DENND2C: variants seen among roughly 807,000 people sequenced by gnomAD.
DENND2C encodes DENN domain containing 2C, also known as DENN domain-containing protein 2C.
Under a neutral mutation model 112.4 loss-of-function variants are expected in DENND2C, and 72 were observed. The ratio of observed to expected loss-of-function variants is 0.64; its 90% CI spans 0.53 to 0.78. The LOEUF is 0.78. Ranked by LOEUF, DENND2C falls within the 30% of genes least tolerant of loss-of-function variation. The pLI, the probability that DENND2C is intolerant of heterozygous loss-of-function variation, is 0.00. For synonymous variants in DENND2C, 329 were observed against 381.6 expected, an observed-to-expected ratio of 0.86 and a Z score of 1.61; for missense variants, 992 against 1,113.8, an observed-to-expected ratio of 0.89 and a Z score of 1.56.
intron 3 of DENND2C, among the ~76,000 whole-genome samples, chr1:114,632,077 G>C (rs1656505735): frequency 6.6e-6 from 1 of 151,968 alleles, no homozygotes; most frequent in African/African-American, 2.4e-5. Flanking sequence ...TGAATAAGTA[G>C]CAATAGAAAC....
At chr1:114,655,878 G>GTGTATATATATATATATA (rs1553238216) in intron 1 of DENND2C, among the ~76,000 whole-genome samples, 29 of 19,940 alleles carry the variant, frequency 1.5e-3, no homozygotes, top group African/African-American at 0.01. Flanking sequence ...ATATATATAT[G>GTGTATATATATATATATA]TATAAATATA....
At chr1:114,665,271 G>T (rs1169308747) in intron 1 of DENND2C, among the ~76,000 whole-genome samples, 2 of 119,302 alleles carry the variant, frequency 1.7e-5, no homozygotes, top group Non-Finnish European at 3.5e-5. Flanking sequence ...CCTGTCTCTT[G>T]AAAAAAAAAA....
intron 2 of DENND2C, among the ~76,000 whole-genome samples, chr1:114,652,868 G>C (rs1392094325): frequency 6.6e-6 from 1 of 151,232 alleles, no homozygotes; most frequent in East Asian, 1.9e-4. Flanking sequence ...AAATAATCTC[G>C]AGATTACTTA....
chr1:114,598,668 AT>A (rs1202174105), intron 16 of DENND2C, among the ~76,000 whole-genome samples: 1 of 151,906 alleles, frequency 6.6e-6, no homozygotes, highest in Non-Finnish European at 1.5e-5. Context: ...TGTGTGTTAT[AT>A]TTGAAATAAG....
chr1:114,598,720 C>T (rs534051505), intron 16 of DENND2C, among the ~76,000 whole-genome samples: 7 of 152,256 alleles, frequency 4.6e-5, no homozygotes, highest in Admixed American at 3.3e-4. Flanking sequence ...CTCCCTCTGT[C>T]GCCCAGGTTG....
intron 8 of DENND2C, among the ~76,000 whole-genome samples, chr1:114,613,470 TTTAAATATTGCATA>T (rs933823753): frequency 6.6e-6 from 1 of 152,192 alleles, no homozygotes; most frequent in Admixed American, 6.5e-5. Flanking sequence ...AAAATGCTTA[TTTAAATATTGCATA>T]TTACATATGT....
intron 2 of DENND2C, 117 bp from the exon 3 acceptor site, chr1:114,645,676 T>C (rs1392337431): frequency 6.6e-6 from 1 of 152,214 alleles, no homozygotes; most frequent in African/African-American, 2.4e-5. Context: ...TCTATTCACC[T>C]TAAATTAAGC....
intron 3 of DENND2C, among the ~76,000 whole-genome samples, chr1:114,639,026 G>T (rs1347926068): frequency 1.3e-5 from 2 of 151,888 alleles, no homozygotes; most frequent in Non-Finnish European, 2.9e-5. Context: ...AGTAAGATTT[G>T]AACACTTTAC....
At chr1:114,667,540 T>A (rs10776787) in intron 1 of DENND2C, among the ~76,000 whole-genome samples, 133,110 of 152,158 alleles carry the variant, frequency 0.87, 58,728 homozygotes, top group African/African-American at 0.96. Flanking sequence ...CTTAGAATCA[T>A]CCCCATGTCA....
At chr1:114,599,478 T>C in intron 15 of DENND2C, 27 bp from the exon 16 acceptor site, 1 of 1,560,018 alleles carries the variant, frequency 6.4e-7, no homozygotes. Flanking sequence ...ACAAATGGTG[T>C]CATATATAGA....
At chr1:114,655,341 T>C (rs1478505591) in intron 1 of DENND2C, among the ~76,000 whole-genome samples, 1 of 152,206 alleles carries the variant, frequency 6.6e-6, no homozygotes, top group Non-Finnish European at 1.5e-5. Context: ...GGCAGTTTAT[T>C]ACTAAATGAG....
intron 7 of DENND2C, among the ~76,000 whole-genome samples, chr1:114,620,598 T>C (rs1328736513): frequency 1.3e-5 from 2 of 152,204 alleles, no homozygotes. Flanking sequence ...TGCTGGGCCA[T>C]GTGGGAGGCT....
chr1:114,613,236 CATTA>C lies in DENND2C; in HGVS notation c.1325-2123_1325-2120del, dbSNP rs553279230. Among the ~76,000 whole-genome samples the C allele has an allele frequency of 4.2e-3, 633 of 152,198 alleles. 3 individuals carry two copies. The highest frequency in any genetic ancestry group is 0.015 in the African/African-American group (605 of 41,526). On this transcript the variant is annotated intron_variant, in intron 8 of 20. Transcript: ENST00000393274. Reference sequence around the variant, plus strand: ...TTGATACTGAAAGAGCTCTGAAGTACATTAATTAAGCTTTTTTAAAAAGGCAGGC... The same window carrying C: ...TTGATACTGAAAGAGCTCTGAAGTACATTAAGCTTTTTTAAAAAGGCAGGC...
Position 114,625,782 on chromosome 1 carries a change from C to T in DENND2C, c.203G>A (p.Ser68Asn). ...LKKNPIAERK[S>N]KNLDVTSREN... is the part of the protein sequence containing the mutation. Reference sequence around the variant, plus strand: ...ACGGCTGGTTACATCCAAGTTTTTGCTCTTTCTCTCAGCTATAGGATTTTT... The same window carrying T: ...ACGGCTGGTTACATCCAAGTTTTTGTTCTTTCTCTCAGCTATAGGATTTTT... The change falls in exon 4 of 21, where the codon AGC (serine) becomes AAC (asparagine). Residue 68 changes from serine (S) to asparagine (N), a missense_variant. Physicochemically the swap from Ser to Asn is conservative, Grantham distance 46. This residue lies in a region of DENND2C where 470 missense variants were observed against 472.7 expected (regional missense o/e 0.99). Coordinates refer to ENST00000393274, the MANE Select transcript of DENND2C (RefSeq NM_001256404.2). 3 of 1,613,950 alleles carry T rather than the reference C, an allele frequency of 1.9e-6. No individual in the cohort carries two copies. The highest frequency in any genetic ancestry group is 2.5e-6 in the Non-Finnish European group (3 of 1,179,984).
At chr1:114,633,698 G>A (rs1313539440) in intron 3 of DENND2C, among the ~76,000 whole-genome samples, 2 of 152,068 alleles carry the variant, frequency 1.3e-5, no homozygotes, top group Non-Finnish European at 2.9e-5. Context: ...GGGAGTTGGA[G>A]GGGGAACCCT....
At chr1:114,635,433 C>T (rs79086420) in intron 3 of DENND2C, among the ~76,000 whole-genome samples, 8,616 of 152,008 alleles carry the variant, frequency 0.057, 355 homozygotes, top group African/African-American at 0.11. Flanking sequence ...CTAGGCAAAG[C>T]GAACAAAAAA....
chr1:114,594,597 T>A lies in DENND2C; in HGVS notation c.2326-19A>T. The A allele has an allele frequency of 6.3e-7, 1 of 1,582,830 alleles. No homozygotes were observed. The highest frequency in any genetic ancestry group is 1.3e-5 in the African/African-American group (1 of 74,256). ...CAGATACCTTAAGAAGAAAAAAAAA[T>A]GGAGATTTTTCTTTGTTTGAGATTT... On this transcript the variant is annotated intron_variant, in intron 17 of 20. Coordinates refer to ENST00000393274, the MANE Select transcript of DENND2C (RefSeq NM_001256404.2).
At chr1:114,620,148 G>T (rs1656125112) in intron 7 of DENND2C, among the ~76,000 whole-genome samples, 1 of 152,140 alleles carries the variant, frequency 6.6e-6, no homozygotes, top group South Asian at 2.1e-4. Flanking sequence ...AATGAAAATG[G>T]ACTTTCTTAT....
chr1:114,646,562 C>A (rs1421309841), intron 2 of DENND2C, among the ~76,000 whole-genome samples: 1 of 152,172 alleles, frequency 6.6e-6, no homozygotes, highest in African/African-American at 2.4e-5. Context: ...GCTAAAAGTG[C>A]ACAAACAAGT....
Sources: gnomAD v4.1 joint callset for allele counts (sites outside exome capture counted in the v4.1 genomes callset) on GRCh38, gnomAD v4.1.1 for gene constraint, gnomAD v4.1.1 regional missense constraint, MANE v1.5 for transcripts, NCBI Gene and HGNC (gene_info 2026-07-23, HGNC 2026-07-21) for gene names.